Variants in PVALB observed in about 807,000 individuals in gnomAD.
The protein encoded by PVALB is parvalbumin alpha.
Under a neutral mutation model 10.9 loss-of-function variants are expected in PVALB, and 11 were observed. The observed-to-expected ratio is 1.01, with a 90% CI of 0.63 to 1.67. The LOEUF is 1.67. PVALB is among the 40% of genes most tolerant of loss of function. The pLI is 0.00. For missense variants in PVALB, 131 were observed against 136.2 expected, an observed-to-expected ratio of 0.96 and a Z score of 0.19; for synonymous variants, 57 against 50.7, an observed-to-expected ratio of 1.12 and a Z score of -0.53.
At chr22:36,806,644 G>A (rs1274982646) in intron 3 of PVALB, among the ~76,000 whole-genome samples, 1 of 152,128 alleles carries the variant, frequency 6.6e-6, no homozygotes, top group Non-Finnish European at 1.5e-5. Context: ...ATCTCAAACA[G>A]GGATCACCTT....
chr22:36,815,734 C>G (rs946348208), intron 1 of PVALB, among the ~76,000 whole-genome samples: 2 of 152,058 alleles, frequency 1.3e-5, no homozygotes, highest in Non-Finnish European at 2.9e-5. Context: ...CAAGGTCATA[C>G]AGTGGGAGGA....
At chr22:36,815,343 A>G in intron 1 of PVALB, 108 bp from the exon 2 acceptor site, 1 of 1,442,526 alleles carries the variant, frequency 6.9e-7, no homozygotes, top group Non-Finnish European at 9.6e-7. Context: ...CATGCCAGTC[A>G]TGGGGAATGA....
At chr22:36,802,859 C>A (rs891000459) in intron 3 of PVALB, among the ~76,000 whole-genome samples, 3 of 152,010 alleles carry the variant, frequency 2.0e-5, no homozygotes, top group African/African-American at 7.3e-5. Flanking sequence ...AACAGCAGTG[C>A]CAAGGATGGA....
At chr22:36,818,960 C>T (rs963635273), upstream of PVALB, among the ~76,000 whole-genome samples, 1 of 152,204 alleles carries the variant, frequency 6.6e-6, no homozygotes, top group African/African-American at 2.4e-5. Flanking sequence ...GCAGCCTCAA[C>T]AGGGGCCCAC....
chr22:36,817,477 G>A (rs1439539163), upstream of PVALB: 1 of 153,542 alleles, frequency 6.5e-6, no homozygotes, highest in Admixed American at 6.5e-5. Context: ...GACCTCCTAG[G>A]CCCTGCTCCC....
chr22:36,806,549 G>A (rs564298992), intron 3 of PVALB, among the ~76,000 whole-genome samples: 8 of 152,268 alleles, frequency 5.3e-5, no homozygotes, highest in South Asian at 2.1e-4. Flanking sequence ...TCCCTCTGTC[G>A]TGATGACCGG....
At chr22:36,810,795 C>T (rs1939033592) in intron 3 of PVALB, among the ~76,000 whole-genome samples, 5 of 152,206 alleles carry the variant, frequency 3.3e-5, no homozygotes, top group Admixed American at 3.3e-4. Flanking sequence ...CTGAACATAC[C>T]CAAAAGTTTC....
chr22:36,807,252 C>T (rs1441725094), intron 3 of PVALB, among the ~76,000 whole-genome samples: 2 of 152,166 alleles, frequency 1.3e-5, no homozygotes, highest in South Asian at 2.1e-4. Flanking sequence ...TTACTGTCTA[C>T]GGGGCCTCAG....
At chr22:36,818,197 T>G (rs1939179408), upstream of PVALB, among the ~76,000 whole-genome samples, 1 of 152,064 alleles carries the variant, frequency 6.6e-6, no homozygotes. Flanking sequence ...TCTGTCTCCT[T>G]CTGATGTGTT....
intron 3 of PVALB, among the ~76,000 whole-genome samples, chr22:36,807,306 A>G (rs1364074498): frequency 6.6e-6 from 1 of 152,050 alleles, no homozygotes; most frequent in African/African-American, 2.4e-5. Flanking sequence ...CCTAAACCTC[A>G]TTGAGCTGGT....
chr22:36,811,945 C>T (rs112346656), intron 3 of PVALB, among the ~76,000 whole-genome samples: 1 of 152,142 alleles, frequency 6.6e-6, no homozygotes, highest in African/African-American at 2.4e-5. Context: ...GGCCAGGGGA[C>T]CCCCTGCATT....
At chr22:36,804,376 C>G (rs1312093358) in intron 3 of PVALB, among the ~76,000 whole-genome samples, 1 of 152,148 alleles carries the variant, frequency 6.6e-6, no homozygotes, top group Non-Finnish European at 1.5e-5. Flanking sequence ...TAAATCAGCC[C>G]CTCTGCCCAC....
intron 3 of PVALB, among the ~76,000 whole-genome samples, chr22:36,808,576 G>A (rs998949977): frequency 3.9e-5 from 6 of 152,190 alleles, no homozygotes; most frequent in East Asian, 3.8e-4. Context: ...AGTGTGGTTC[G>A]CCAGATCATT....
intron 3 of PVALB, among the ~76,000 whole-genome samples, chr22:36,811,686 A>T (rs997382770): frequency 3.9e-5 from 6 of 152,154 alleles, no homozygotes; most frequent in African/African-American, 1.4e-4. Flanking sequence ...GAGGTATGGC[A>T]TATTGGCTGC....
At chr22:36,810,907 G>A (rs1370261479) in intron 3 of PVALB, among the ~76,000 whole-genome samples, 4 of 152,204 alleles carry the variant, frequency 2.6e-5, no homozygotes, top group South Asian at 4.1e-4. Flanking sequence ...TGATGCCTGC[G>A]CCTCTGCCTC....
intron 3 of PVALB, among the ~76,000 whole-genome samples, chr22:36,805,379 A>G (rs1036634787): frequency 1.3e-5 from 2 of 152,304 alleles, no homozygotes; most frequent in African/African-American, 4.8e-5. Context: ...GTTGCAACCA[A>G]GGTGTTTCTG....
chr22:36,817,018 T>C lies in PVALB; in HGVS notation c.-13A>G, dbSNP rs201427139. 6.2e-7 allele frequency: 1 copy of C among 1,607,942 alleles called. No homozygotes were observed. Among genetic ancestry groups the C allele is most frequent in the Admixed American group, 1.7e-5 (1 of 59,618 alleles). ...CTGTCATCGACATCCTGCAACTGTT[T>C]GAGCGGGCAGAGCAAGTGCGAAAAG... On this transcript the variant is annotated 5_prime_UTR_variant, in exon 1 of 4. Transcript: ENST00000417718.
chr22:36,804,529 T>G (rs1938921230), intron 3 of PVALB, among the ~76,000 whole-genome samples: 2 of 152,322 alleles, frequency 1.3e-5, no homozygotes, highest in South Asian at 4.1e-4. Flanking sequence ...GAGCCACCCC[T>G]TCCGTGCCTT....
chr22:36,816,816 C>A, intron 1 of PVALB, 129 bp downstream of exon 1: 1 of 750,350 alleles, frequency 1.3e-6, no homozygotes, highest in Non-Finnish European at 2.0e-6. Context: ...CCCGACCTCG[C>A]CGGCGCCCAG....
Sources: allele counts gnomAD v4.1 joint callset (sites outside exome capture counted in the v4.1 genomes callset), GRCh38; gene constraint gnomAD v4.1.1; transcripts MANE v1.5; gene names NCBI Gene and HGNC (gene_info 2026-07-23, HGNC 2026-07-21).